Variants in TRHDE observed in about 807,000 individuals in gnomAD.
The protein encoded by TRHDE is thyrotropin releasing hormone degrading enzyme.
TRHDE carries 72 observed loss-of-function variants against 125.7 expected under a neutral mutation model. The ratio of observed to expected loss-of-function variants is 0.57; its 90% CI spans 0.47 to 0.70. TRHDE has a LOEUF of 0.70. TRHDE is among the 30% of genes least tolerant of loss of function. The probability of loss-of-function intolerance (pLI) is 0.00; values close to 1 mark genes in which losing one functional copy is unlikely to be tolerated. For missense variants in TRHDE, 1,110 were observed against 1,327.1 expected, an observed-to-expected ratio of 0.84 and a Z score of 2.54; for synonymous variants, 509 against 509.1, an observed-to-expected ratio of 1.00 and a Z score of 0.00.
intron 7 of TRHDE, among the ~76,000 whole-genome samples, chr12:72,556,690 G>A (rs1288120407): frequency 6.6e-6 from 1 of 152,158 alleles, no homozygotes; most frequent in Non-Finnish European, 1.5e-5. Context: ...GTGAGTGATT[G>A]CCCCCGTATA....
At chr12:72,653,959 T>C (rs1380585742) in intron 17 of TRHDE, among the ~76,000 whole-genome samples, 1 of 152,194 alleles carries the variant, frequency 6.6e-6, no homozygotes, top group Admixed American at 6.5e-5. Context: ...TTAGAATGGC[T>C]GTGTCATATT....
At chr12:72,198,912 C>A (rs552073676) in intron 2 of TRHDE, among the ~76,000 whole-genome samples, 1 of 151,476 alleles carries the variant, frequency 6.6e-6, no homozygotes, top group African/African-American at 2.4e-5. Flanking sequence ...GGAGCAGGCA[C>A]GTCTTACCAT....
intron 10 of TRHDE, among the ~76,000 whole-genome samples, chr12:72,571,092 T>A (rs1357707559): frequency 1.1e-5 from 1 of 87,198 alleles, no homozygotes; most frequent in Non-Finnish European, 1.9e-5. Flanking sequence ...TTGTATTAAA[T>A]TTTTTTTATG....
At chr12:72,661,644 C>T (rs766379472) in intron 18 of TRHDE, among the ~76,000 whole-genome samples, 19 of 152,068 alleles carry the variant, frequency 1.2e-4, no homozygotes, top group Non-Finnish European at 2.5e-4. Flanking sequence ...TCAAGTACTT[C>T]CATTAGACTC....
chr12:72,376,759 A>T (rs886504011), intron 2 of TRHDE, among the ~76,000 whole-genome samples: 5 of 152,048 alleles, frequency 3.3e-5, no homozygotes, highest in East Asian at 1.9e-4. Context: ...ATAATAATAG[A>T]TGATGTATAA....
intron 5 of TRHDE, among the ~76,000 whole-genome samples, chr12:72,492,711 TC>T (rs1174092747): frequency 1.3e-5 from 2 of 151,884 alleles, no homozygotes; most frequent in Non-Finnish European, 2.9e-5. Context: ...AATAAGGAGT[TC>T]AGTTTAGTAA....
intron 12 of TRHDE, chr12:72,582,347 A>G (rs1313446225): frequency 2.0e-6 from 2 of 984,916 alleles, no homozygotes; most frequent in Non-Finnish European, 2.4e-6. Context: ...TTTTTTTTTC[A>G]TTTCTGAGCC....
intron 2 of TRHDE, among the ~76,000 whole-genome samples, chr12:72,376,781 T>C (rs1161252414): frequency 7.5e-6 from 1 of 133,826 alleles, no homozygotes; most frequent in Non-Finnish European, 1.7e-5. Context: ...ATGTACAGCT[T>C]TATTTGTTTT....
At chr12:72,403,545 G>A (rs1873135815) in intron 3 of TRHDE, among the ~76,000 whole-genome samples, 1 of 152,032 alleles carries the variant, frequency 6.6e-6, no homozygotes, top group South Asian at 2.1e-4. Context: ...TTAAAAGCTT[G>A]CCTGGGATCC....
chr12:72,156,427 A>T (rs1408785592), intron 2 of TRHDE, among the ~76,000 whole-genome samples: 1 of 152,152 alleles, frequency 6.6e-6, no homozygotes, highest in Non-Finnish European at 1.5e-5. Context: ...GACATTCCCC[A>T]GTGAGATGAA....
chr12:72,606,117 T>G (rs1277886128), intron 12 of TRHDE, among the ~76,000 whole-genome samples: 1 of 152,170 alleles, frequency 6.6e-6, no homozygotes, highest in Non-Finnish European at 1.5e-5. Flanking sequence ...TTTAAACACA[T>G]GATTCAGAAT....
intron 3 of TRHDE, among the ~76,000 whole-genome samples, chr12:72,456,128 TACACACACACACACACACACACAC>T (rs58045175): frequency 1.6e-4 from 21 of 134,796 alleles, no homozygotes; most frequent in Non-Finnish European, 2.7e-4. Context: ...AATATGTAAT[TACACACACACACACACACACACAC>T]ACACACACAC....
intron 7 of TRHDE, among the ~76,000 whole-genome samples, chr12:72,550,153 A>G (rs983181752): frequency 6.6e-6 from 1 of 151,902 alleles, no homozygotes; most frequent in African/African-American, 2.4e-5. Flanking sequence ...ATTATTAGAC[A>G]TATTTAGTTG....
At chr12:72,548,900 C>T (rs207473059) in intron 7 of TRHDE, among the ~76,000 whole-genome samples, 1 of 151,732 alleles carries the variant, frequency 6.6e-6, no homozygotes, top group South Asian at 2.1e-4. Context: ...TTGATATAAA[C>T]TCAAAGCCTA....
intron 12 of TRHDE, among the ~76,000 whole-genome samples, chr12:72,588,197 T>C (rs886104315): frequency 1.3e-5 from 2 of 152,238 alleles, no homozygotes; most frequent in African/African-American, 2.4e-5. Flanking sequence ...AATTCTGTAA[T>C]ACAAAGTTAG....
chr12:72,102,790 G>A (rs772599774), intron 1 of TRHDE, among the ~76,000 whole-genome samples: 9 of 152,190 alleles, frequency 5.9e-5, no homozygotes, highest in African/African-American at 9.7e-5. Context: ...ATGAATAGTC[G>A]TGGATGCACC....
intron 3 of TRHDE, among the ~76,000 whole-genome samples, chr12:72,413,566 A>C (rs1694847067): frequency 6.6e-6 from 1 of 151,960 alleles, no homozygotes; most frequent in Admixed American, 6.6e-5. Context: ...TAGAAATTTT[A>C]AACTATGTAT....
At chr12:72,341,646 T>TTA (rs1454796929) in intron 2 of TRHDE, among the ~76,000 whole-genome samples, 10 of 152,074 alleles carry the variant, frequency 6.6e-5, no homozygotes, top group African/African-American at 2.4e-4. Context: ...GGAGTTAAGA[T>TTA]TAGAAGCAGA....
At chr12:72,457,822 A>G (rs978046916) in intron 3 of TRHDE, among the ~76,000 whole-genome samples, 16 of 152,236 alleles carry the variant, frequency 1.1e-4, no homozygotes, top group Admixed American at 6.5e-5. Context: ...TCTAAAGTAC[A>G]TAAGAATTTG....
Sources: allele counts gnomAD v4.1 joint callset (sites outside exome capture counted in the v4.1 genomes callset), GRCh38; gene constraint gnomAD v4.1.1; transcripts MANE v1.5; gene names NCBI Gene and HGNC (gene_info 2026-07-23, HGNC 2026-07-21).